The following PKHD1 variants were observed in gnomAD, a reference collection of about 807,000 sequenced individuals.
The protein encoded by PKHD1 is fibrocystin.
In PKHD1, 291 loss-of-function variants were observed where a neutral mutation model predicts 412.0. The ratio of observed to expected loss-of-function variants is 0.71; its 90% confidence interval spans 0.64 to 0.78. The LOEUF (loss-of-function observed/expected upper bound fraction) is 0.78. Among genes scored for constraint, PKHD1 ranks in the 30% least tolerant of loss-of-function variants. PKHD1 has a pLI of 0.00. For synonymous variants in PKHD1, 1,777 were observed against 1,821.5 expected, an observed-to-expected ratio of 0.98 and a Z score of 0.62; for missense variants, 4,825 against 4,950.7, an observed-to-expected ratio of 0.97 and a Z score of 0.76.
intron 55 of PKHD1, among the ~76,000 whole-genome samples, chr6:51,762,025 C>T (rs1788101926): frequency 6.6e-6 from 1 of 152,016 alleles, no homozygotes; most frequent in Non-Finnish European, 1.5e-5. Context: ...CTGTCTTCAA[C>T]ATATATTTAT....
At chr6:51,754,341 G>C (rs1160221402) in intron 56 of PKHD1, among the ~76,000 whole-genome samples, 1 of 152,020 alleles carries the variant, frequency 6.6e-6, no homozygotes, top group African/African-American at 2.4e-5. Context: ...TTCATGTCAG[G>C]AAGGACACAT....
At chr6:51,947,848 C>T (rs1383509067) in intron 36 of PKHD1, among the ~76,000 whole-genome samples, 1 of 152,160 alleles carries the variant, frequency 6.6e-6, no homozygotes, top group Non-Finnish European at 1.5e-5. Flanking sequence ...GCCTACTCAA[C>T]ATCTCTACTT....
chr6:51,673,947 G>T (rs762978123), intron 60 of PKHD1, among the ~76,000 whole-genome samples: 1 of 152,184 alleles, frequency 6.6e-6, no homozygotes, highest in East Asian at 1.9e-4. Context: ...TTGGAGGAAC[G>T]GAGTAAAAGG....
At chr6:51,619,685 T>TA (rs565726166) in intron 66 of PKHD1, among the ~76,000 whole-genome samples, 165 bp from the exon 67 acceptor site, 1 of 152,312 alleles carries the variant, frequency 6.6e-6, no homozygotes, top group South Asian at 2.1e-4. Context: ...AAATATGTAA[T>TA]AAAAAATTGG....
intron 50 of PKHD1, among the ~76,000 whole-genome samples, chr6:51,839,366 T>A (rs540780478): frequency 9.2e-5 from 14 of 152,304 alleles, no homozygotes; most frequent in African/African-American, 3.4e-4. Context: ...TTGTAGTTGA[T>A]CCTTCCCAGA....
rs758337939 is a variant in PKHD1 at position 52,026,048 on chromosome 6, G to T, written c.3762C>A (p.Ala1254=). ...GAGCGCCCGCATCGGGTATCTGGGG[G>T]GCTGGCAGGGTTTCACACCAGATGC... ...EASIWCETLP[A]PQIPDAGAPT... is the part of the protein sequence containing the mutation. The change falls in exon 32 of 67, where the codon GCC becomes GCA. Residue 1254 remains alanine, a synonymous_variant. Coordinates refer to ENST00000371117, the MANE Select transcript of PKHD1 (RefSeq NM_138694.4). 1 of 1,614,106 alleles carries T rather than the reference G, an allele frequency of 6.2e-7. No individual in the cohort carries two copies.
chr6:51,642,952 T>C (rs1362005171), intron 63 of PKHD1, among the ~76,000 whole-genome samples: 1 of 151,912 alleles, frequency 6.6e-6, no homozygotes, highest in Non-Finnish European at 1.5e-5. Context: ...TGGTTTGGAG[T>C]ATGGGTAAGG....
At chr6:51,666,542 A>AT (rs201203411) in intron 60 of PKHD1, among the ~76,000 whole-genome samples, 7,710 of 152,106 alleles carry the variant, frequency 0.051, 673 homozygotes, top group African/African-American at 0.17. Context: ...AATGTTTATA[A>AT]TTTTTTTTTA....
chr6:51,640,155 C>T (rs1769152132), intron 63 of PKHD1, among the ~76,000 whole-genome samples: 1 of 152,110 alleles, frequency 6.6e-6, no homozygotes, highest in South Asian at 2.1e-4. Context: ...CTGAAGAGTA[C>T]AGATGTTCAA....
chr6:51,797,028 G>A (rs1794726994), intron 52 of PKHD1, among the ~76,000 whole-genome samples: 2 of 152,046 alleles, frequency 1.3e-5, no homozygotes, highest in Non-Finnish European at 2.9e-5. Context: ...TGCCCAGGAT[G>A]GTTTTGAACT....
At chr6:51,931,863 A>T (rs1786655504) in intron 37 of PKHD1, among the ~76,000 whole-genome samples, 1 of 146,846 alleles carries the variant, frequency 6.8e-6, no homozygotes, top group Non-Finnish European at 1.5e-5. Context: ...AAGGAGAGGG[A>T]GGGAGGAGAG....
chr6:51,698,185 T>C (rs898588385), intron 60 of PKHD1, among the ~76,000 whole-genome samples: 6 of 152,162 alleles, frequency 3.9e-5, no homozygotes, highest in African/African-American at 1.4e-4. Context: ...TTATAAAATG[T>C]TGAGGTTCTA....
At chr6:51,915,644 C>A (rs574954878) in intron 37 of PKHD1, among the ~76,000 whole-genome samples, 2 of 152,034 alleles carry the variant, frequency 1.3e-5, no homozygotes, top group East Asian at 3.9e-4. Context: ...GGACACAGTA[C>A]ACTCCCACAT....
chr6:51,950,218 A>ATAT (rs1224067905), intron 36 of PKHD1, among the ~76,000 whole-genome samples: 1 of 40,882 alleles, frequency 2.4e-5, no homozygotes, highest in Non-Finnish European at 5.4e-5. Context: ...GAGAAAAAAA[A>ATAT]AAATATATAT....
At chr6:51,712,922 T>C (rs1364070293) in intron 60 of PKHD1, among the ~76,000 whole-genome samples, 1 of 152,244 alleles carries the variant, frequency 6.6e-6, no homozygotes, top group African/African-American at 2.4e-5. Context: ...TCTTCCAATG[T>C]GACTGACAAA....
At chr6:51,808,346 CTGGAAGACA>C (rs1431186690) in intron 52 of PKHD1, among the ~76,000 whole-genome samples, 1 of 151,814 alleles carries the variant, frequency 6.6e-6, no homozygotes, top group African/African-American at 2.4e-5. Flanking sequence ...AACTGGCTGG[CTGGAAGACA>C]TGGGTGAAGG....
At chr6:52,012,641 C>T (rs1307681828) in intron 34 of PKHD1, among the ~76,000 whole-genome samples, 3 of 152,318 alleles carry the variant, frequency 2.0e-5, no homozygotes, top group African/African-American at 4.8e-5. Context: ...GCAAAATTCA[C>T]GCAGACTTTT....
intron 53 of PKHD1, among the ~76,000 whole-genome samples, chr6:51,789,897 A>T (rs1446985829): frequency 6.6e-6 from 1 of 152,208 alleles, no homozygotes; most frequent in African/African-American, 2.4e-5. Flanking sequence ...ACCTATAGAA[A>T]TTAGAGGAAG....
intron 28 of PKHD1, 57 bp from the exon 29 acceptor site, chr6:52,033,222 T>A: frequency 7.4e-7 from 1 of 1,358,974 alleles, no homozygotes; most frequent in Non-Finnish European, 1.1e-6. Flanking sequence ...AGGACTGACT[T>A]AAGGGAAGAG....
Sources: gnomAD v4.1 joint callset for allele counts (sites outside exome capture counted in the v4.1 genomes callset) on GRCh38, gnomAD v4.1.1 for gene constraint, MANE v1.5 for transcripts, NCBI Gene and HGNC (gene_info 2026-07-23, HGNC 2026-07-21) for gene names.